The following ST8SIA1 variants were observed in gnomAD, a reference collection of about 807,000 sequenced individuals.
ST8SIA1 encodes the protein ST8 alpha-N-acetyl-neuraminide alpha-2,8-sialyltransferase 1, also known as alpha-N-acetylneuraminide alpha-2,8-sialyltransferase.
A neutral mutation model predicts 35.9 loss-of-function variants in ST8SIA1; 16 were observed. That is an observed-to-expected ratio of 0.45 (90% confidence interval 0.30 to 0.68). The LOEUF (loss-of-function observed/expected upper bound fraction) is 0.68, where lower values mean the gene tolerates loss of function less well. Among genes scored for constraint, ST8SIA1 ranks in the 30% least tolerant of loss-of-function variants. ST8SIA1 has a pLI of 0.09. For missense variants in ST8SIA1, 383 were observed against 453.6 expected (o/e 0.84, Z 1.41); for synonymous variants, 170 against 169.6 (o/e 1.00, Z -0.02).
chr12:22,244,285 T>C (rs1178889326), intron 4 of ST8SIA1, among the ~76,000 whole-genome samples: 1 of 152,024 alleles, frequency 6.6e-6, no homozygotes, highest in Non-Finnish European at 1.5e-5. Flanking sequence ...AAAGTGTATA[T>C]CCATGTTACA....
intron 1 of ST8SIA1, among the ~76,000 whole-genome samples, chr12:22,308,303 TAACA>T (rs1166637022): frequency 6.6e-6 from 1 of 152,160 alleles, no homozygotes. Context: ...ATATAAAAGA[TAACA>T]AAGAAGAAAT....
chr12:22,243,738 A>T (rs1478685884), intron 4 of ST8SIA1, among the ~76,000 whole-genome samples: 1 of 152,206 alleles, frequency 6.6e-6, no homozygotes, highest in Non-Finnish European at 1.5e-5. Context: ...TTTCTATTCA[A>T]ATATTTTTAT....
At chr12:22,329,374 T>C (rs1447508903) in intron 1 of ST8SIA1, among the ~76,000 whole-genome samples, 1 of 152,174 alleles carries the variant, frequency 6.6e-6, no homozygotes, top group Non-Finnish European at 1.5e-5. Flanking sequence ...ATATAAGTGC[T>C]AAGAACTAGG....
At position 22,334,102 on chromosome 12, in the gene ST8SIA1, TAG is replaced by T; in HGVS notation, c.129_130del (p.Tyr44HisfsTer52). 2 of 1,613,828 alleles carry T rather than the reference TAG, an allele frequency of 1.2e-6. No individual in the cohort carries two copies. The highest frequency in any genetic ancestry group is 1.7e-6 in the Non-Finnish European group (2 of 1,179,960). ...GGGCAGCCGGTAGACGGGGAAGATG[TAG>T]AGCCAACAGAGGACCACGACACAGA... On this transcript the variant is annotated frameshift_variant, in exon 1 of 5. Coordinates refer to ENST00000396037, the MANE Select transcript of ST8SIA1 (RefSeq NM_003034.4). LOFTEE classifies it high-confidence loss of function.
chr12:22,301,051 G>A (rs1337007411), intron 1 of ST8SIA1, among the ~76,000 whole-genome samples: 2 of 151,988 alleles, frequency 1.3e-5, no homozygotes, highest in East Asian at 3.9e-4. Context: ...AATTATAATT[G>A]TTATAATAAA....
chr12:22,233,837 G>C (rs1161056245), intron 4 of ST8SIA1, among the ~76,000 whole-genome samples: 1 of 152,068 alleles, frequency 6.6e-6, no homozygotes, highest in Non-Finnish European at 1.5e-5. Context: ...GTTGTGCAGT[G>C]CTTAGTATTT....
At chr12:22,303,517 T>A (rs1209091705) in intron 1 of ST8SIA1, among the ~76,000 whole-genome samples, 1 of 152,164 alleles carries the variant, frequency 6.6e-6, no homozygotes, top group East Asian at 1.9e-4. Context: ...GGTAAGTAAC[T>A]GAATCGGGGT....
Position 22,222,960 on chromosome 12 carries a change from TA to T in ST8SIA1, c.585-20923del, listed in dbSNP as rs201312095. Among the ~76,000 whole-genome samples the T allele has an allele frequency of 6.5e-3, 985 of 152,226 alleles. 17 individuals carry two copies. The highest frequency in any genetic ancestry group is 0.022 in the African/African-American group (927 of 41,570). ...GAAAGAGCCAAATTTAGAGGGAAAT[TA>T]ACAAGCCTTTTTGGGATCTCTTCAA... On this transcript the variant is annotated intron_variant, in intron 4 of 4. Coordinates refer to ENST00000396037, the MANE Select transcript of ST8SIA1 (RefSeq NM_003034.4).
chr12:22,206,866 C>T (rs554680743), intron 4 of ST8SIA1, among the ~76,000 whole-genome samples: 2 of 152,296 alleles, frequency 1.3e-5, no homozygotes, highest in Admixed American at 1.3e-4. Context: ...ACCTCTTAAA[C>T]ATCTATAATT....
At chr12:22,284,535 C>T (rs944881791) in intron 2 of ST8SIA1, among the ~76,000 whole-genome samples, 2 of 152,104 alleles carry the variant, frequency 1.3e-5, no homozygotes, top group Non-Finnish European at 2.9e-5. Flanking sequence ...TCCAGTGATG[C>T]AAACTGGTTT....
At chr12:22,278,150 T>C (rs2135810938) in intron 2 of ST8SIA1, among the ~76,000 whole-genome samples, 1 of 152,356 alleles carries the variant, frequency 6.6e-6, no homozygotes, top group South Asian at 2.1e-4. Context: ...CATATTTATT[T>C]AGGTGACAAG....
At chr12:22,286,073 G>C (rs1866098109) in intron 2 of ST8SIA1, among the ~76,000 whole-genome samples, 1 of 152,086 alleles carries the variant, frequency 6.6e-6, no homozygotes, top group Non-Finnish European at 1.5e-5. Context: ...ATATATCATA[G>C]CTCTTAGTTA....
At chr12:22,310,797 T>C (rs1866439631) in intron 1 of ST8SIA1, among the ~76,000 whole-genome samples, 1 of 151,994 alleles carries the variant, frequency 6.6e-6, no homozygotes. Flanking sequence ...AATAAAAATA[T>C]GATAAATCAA....
intron 4 of ST8SIA1, among the ~76,000 whole-genome samples, chr12:22,207,883 G>A (rs1275365591): frequency 3.3e-5 from 5 of 151,844 alleles, no homozygotes; most frequent in African/African-American, 9.7e-5. Flanking sequence ...GGTGGCTCAC[G>A]CCTGTAATCC....
At chr12:22,232,001 T>C (rs991249401) in intron 4 of ST8SIA1, among the ~76,000 whole-genome samples, 1 of 152,172 alleles carries the variant, frequency 6.6e-6, no homozygotes, top group Non-Finnish European at 1.5e-5. Flanking sequence ...GCTAGGGTTA[T>C]TCTCATAGGA....
chr12:22,209,595 C>T (rs1482045892), intron 4 of ST8SIA1, among the ~76,000 whole-genome samples: 1 of 152,120 alleles, frequency 6.6e-6, no homozygotes, highest in East Asian at 1.9e-4. Context: ...CAAATATGCA[C>T]ACCTATTGAC....
At chr12:22,287,328 CA>C (rs1866112781) in intron 1 of ST8SIA1, 35 bp from the exon 2 acceptor site, 1 of 1,597,914 alleles carries the variant, frequency 6.3e-7, no homozygotes, top group Non-Finnish European at 8.5e-7. Flanking sequence ...AAAAGAACAG[CA>C]GGTTAAATGA....
chr12:22,235,763 G>A (rs772236274), intron 4 of ST8SIA1, among the ~76,000 whole-genome samples: 1 of 152,094 alleles, frequency 6.6e-6, no homozygotes, highest in East Asian at 1.9e-4. Flanking sequence ...CTAAAGTGGC[G>A]TTTCCCAGGA....
intron 4 of ST8SIA1, among the ~76,000 whole-genome samples, chr12:22,219,090 C>T (rs1865267406): frequency 6.6e-6 from 1 of 152,056 alleles, no homozygotes; most frequent in Non-Finnish European, 1.5e-5. Flanking sequence ...TAATTTAAAA[C>T]AACTGATAGA....
Sources: gnomAD v4.1 joint callset for allele counts (sites outside exome capture counted in the v4.1 genomes callset) on GRCh38, gnomAD v4.1.1 for gene constraint, MANE v1.5 for transcripts, NCBI Gene and HGNC (gene_info 2026-07-23, HGNC 2026-07-21) for gene names.